Variants in PLCB1 observed in about 807,000 individuals in gnomAD.
PLCB1 encodes the protein phospholipase C beta 1, also known as 1-phosphatidylinositol 4,5-bisphosphate phosphodiesterase beta-1.
Under a neutral mutation model 161.8 loss-of-function variants are expected in PLCB1, and 46 were observed. The observed-to-expected ratio is 0.28, with a 90% CI of 0.22 to 0.36. The LOEUF is 0.36. Ranked by LOEUF, PLCB1 falls within the 10% of genes least tolerant of loss-of-function variation. The pLI is 1.00. For missense variants in PLCB1, 1,016 were observed against 1,472.5 expected, an observed-to-expected ratio of 0.69 and a Z score of 5.07; for synonymous variants, 517 against 503.7, an observed-to-expected ratio of 1.03 and a Z score of -0.35.
intron 3 of PLCB1, among the ~76,000 whole-genome samples, chr20:8,393,893 T>C (rs930708591): frequency 3.3e-5 from 5 of 152,158 alleles, no homozygotes; most frequent in African/African-American, 4.8e-5. Flanking sequence ...ATTAAAGATG[T>C]TTAGAGAACA....
chr20:8,545,956 A>T (rs1985523749), intron 3 of PLCB1, among the ~76,000 whole-genome samples: 1 of 152,228 alleles, frequency 6.6e-6, no homozygotes, highest in African/African-American at 2.4e-5. Context: ...ATTGGAGAAG[A>T]AACATAAATA....
chr20:8,408,086 G>GT (rs1163330702), intron 3 of PLCB1, among the ~76,000 whole-genome samples: 4 of 152,142 alleles, frequency 2.6e-5, no homozygotes, highest in Non-Finnish European at 4.4e-5. Context: ...ATGGACATTA[G>GT]TTTTTTAAAA....
At chr20:8,216,852 T>C (rs376484122) in intron 2 of PLCB1, among the ~76,000 whole-genome samples, 6 of 152,170 alleles carry the variant, frequency 3.9e-5, no homozygotes, top group Non-Finnish European at 5.9e-5. Flanking sequence ...CTATTCATTA[T>C]AGAGCATTCA....
chr20:8,794,637 A>C (rs376046717), intron 31 of PLCB1, among the ~76,000 whole-genome samples: 5 of 152,322 alleles, frequency 3.3e-5, no homozygotes, highest in African/African-American at 9.6e-5. Context: ...TAACTAATGT[A>C]ATAGTGTGTT....
At chr20:8,503,787 C>G (rs559001224) in intron 3 of PLCB1, among the ~76,000 whole-genome samples, 15 of 151,892 alleles carry the variant, frequency 9.9e-5, no homozygotes, top group Admixed American at 9.8e-4. Context: ...AATTTTTAAT[C>G]ATGGGAATAT....
intron 4 of PLCB1, among the ~76,000 whole-genome samples, chr20:8,633,414 G>C (rs1435951263): frequency 2.6e-5 from 4 of 152,110 alleles, no homozygotes; most frequent in Non-Finnish European, 4.4e-5. Flanking sequence ...GGATATATGA[G>C]CCTGGAGGTG....
At chr20:8,198,572 A>T (rs2052054757) in intron 2 of PLCB1, among the ~76,000 whole-genome samples, 1 of 152,050 alleles carries the variant, frequency 6.6e-6, no homozygotes. Flanking sequence ...ACCTTTTGGG[A>T]TCTTTTTTTA....
At position 8,162,162 on chromosome 20, in the gene PLCB1, A is replaced by G. The variant is rs527878749; in HGVS notation, c.177+11791A>G. On this transcript the variant is annotated intron_variant, in intron 2 of 31. Coordinates refer to ENST00000338037, the MANE Select transcript of PLCB1 (RefSeq NM_015192.4). Reference sequence around the variant, plus strand: ...TTTCCATTCCCTGAATGTTACAGGTATTAGCTGTTTGTTTTATCGTTACCA... The same window carrying G: ...TTTCCATTCCCTGAATGTTACAGGTGTTAGCTGTTTGTTTTATCGTTACCA... Among the ~76,000 whole-genome samples the G allele has an allele frequency of 3.3e-5, 5 of 152,234 alleles. No individual in the cohort carries two copies. In the South Asian group the frequency reaches 8.3e-4, roughly 25 times the overall value.
intron 26 of PLCB1, among the ~76,000 whole-genome samples, chr20:8,772,476 G>A (rs749950580): frequency 7.2e-5 from 11 of 152,052 alleles, no homozygotes; most frequent in Non-Finnish European, 1.5e-4. Flanking sequence ...CAGAGCCGTG[G>A]TTTCCTCAAA....
At chr20:8,787,870 G>A (rs528548844) in intron 27 of PLCB1, among the ~76,000 whole-genome samples, 1 of 152,306 alleles carries the variant, frequency 6.6e-6, no homozygotes, top group South Asian at 2.1e-4. Context: ...ATATCTACTG[G>A]AAATTACCCA....
chr20:8,399,133 CATCTTGGAGGTT>C (rs1340413365), intron 3 of PLCB1, among the ~76,000 whole-genome samples: 1 of 149,354 alleles, frequency 6.7e-6, no homozygotes, highest in Admixed American at 6.7e-5. Context: ...GATCTTGGAG[CATCTTGGAGGTT>C]TTTTTTGTTT....
intron 2 of PLCB1, among the ~76,000 whole-genome samples, chr20:8,223,734 C>G (rs1404635729): frequency 2.6e-5 from 4 of 152,094 alleles, no homozygotes; most frequent in African/African-American, 9.7e-5. Context: ...CACATGCGTG[C>G]AGATTAAACG....
chr20:8,465,050 G>A (rs756648032), intron 3 of PLCB1, among the ~76,000 whole-genome samples: 98 of 152,004 alleles, frequency 6.4e-4, no homozygotes, highest in Admixed American at 5.9e-4. Context: ...TTCCTGAAAT[G>A]TGTTAGACAT....
At position 8,583,398 on chromosome 20, in the gene PLCB1, TTAAA is replaced by T. The variant is rs929657230; in HGVS notation, c.247-44893_247-44890del. On this transcript the variant is annotated intron_variant, in intron 3 of 31. Coordinates refer to ENST00000338037, the MANE Select transcript of PLCB1 (RefSeq NM_015192.4). ...AATTAAAAATACAAAATAAAAGACA[TTAAA>T]TAGTTTTTTTAAAAAACATAAAATA... Among the ~76,000 whole-genome samples, 9 of 152,208 alleles carry T rather than the reference TTAAA, an allele frequency of 5.9e-5. No homozygotes were observed. The South Asian group carries it at 8.3e-4, about 14-fold the overall frequency.
intron 3 of PLCB1, among the ~76,000 whole-genome samples, chr20:8,526,650 C>A (rs987506728): frequency 5.3e-5 from 8 of 152,126 alleles, no homozygotes; most frequent in African/African-American, 1.9e-4. Context: ...GTTGTTGAAT[C>A]CATGCTGTTT....
At chr20:8,214,753 C>T (rs80280484) in intron 2 of PLCB1, among the ~76,000 whole-genome samples, 4 of 152,002 alleles carry the variant, frequency 2.6e-5, no homozygotes, top group East Asian at 3.9e-4. Flanking sequence ...ATGTGGCCTG[C>T]GAGTTGCCCA....
At chr20:8,804,654 A>G (rs1984441027) in intron 31 of PLCB1, among the ~76,000 whole-genome samples, 1 of 152,144 alleles carries the variant, frequency 6.6e-6, no homozygotes, top group African/African-American at 2.4e-5. Flanking sequence ...AAACATCTTC[A>G]TTCATACACT....
At chr20:8,851,637 T>C (rs529376282) in intron 31 of PLCB1, among the ~76,000 whole-genome samples, 1 of 152,076 alleles carries the variant, frequency 6.6e-6, no homozygotes, top group Non-Finnish European at 1.5e-5. Context: ...TAGTGATGTC[T>C]GCCATAGTCA....
At chr20:8,807,149 C>G (rs142716671) in intron 31 of PLCB1, among the ~76,000 whole-genome samples, 1 of 152,000 alleles carries the variant, frequency 6.6e-6, no homozygotes, top group Admixed American at 6.6e-5. Flanking sequence ...GTGAAGGATG[C>G]GATTAATTAA....
Sources: allele counts gnomAD v4.1 joint callset (sites outside exome capture counted in the v4.1 genomes callset), GRCh38; gene constraint gnomAD v4.1.1; transcripts MANE v1.5; gene names NCBI Gene and HGNC (gene_info 2026-07-23, HGNC 2026-07-21).